PRH1: variants seen among roughly 807,000 people sequenced by gnomAD.
The protein encoded by PRH1 is salivary acidic proline-rich phosphoprotein 1/2.
A neutral mutation model predicts 7.9 loss-of-function variants in PRH1; 7 were observed. That is an observed-to-expected ratio of 0.89 (90% CI 0.50 to 1.67). The LOEUF is 1.67. Among genes scored for constraint, PRH1 ranks in the 40% most tolerant of loss-of-function variants. The probability of loss-of-function intolerance (pLI) is 0.00; values close to 1 mark genes in which losing one functional copy is unlikely to be tolerated. For synonymous variants in PRH1, 45 were observed against 80.8 expected (o/e 0.56, Z 2.38); for missense variants, 109 against 223.6 (o/e 0.49, Z 3.27).
chr12:11,061,235 G>A, intron 1 of PRH1: 2 of 1,359,688 alleles, frequency 1.5e-6, no homozygotes, highest in Non-Finnish European at 2.0e-6. Context: ...TTAGGTAAAA[G>A]ACTTTTCTAG....
chr12:11,096,541 T>C (rs376013093), intron 1 of PRH1, among the ~76,000 whole-genome samples: 1 of 115,930 alleles, frequency 8.6e-6, no homozygotes, highest in East Asian at 2.1e-4. Context: ...TGTAATACTT[T>C]GGTCAAAGAA....
intron 2 of PRH1, among the ~76,000 whole-genome samples, chr12:10,957,202 G>A (rs945527783): frequency 5.9e-5 from 9 of 151,972 alleles, no homozygotes; most frequent in African/African-American, 2.2e-4. Flanking sequence ...GCATGGTAGT[G>A]GTACAAAAAC....
intron 2 of PRH1, among the ~76,000 whole-genome samples, chr12:10,935,475 C>T (rs1226555053): frequency 6.6e-6 from 1 of 152,018 alleles, no homozygotes; most frequent in Non-Finnish European, 1.5e-5. Flanking sequence ...TATATTAATC[C>T]CACACAGCAG....
chr12:10,923,133 T>A (rs1245985211), intron 2 of PRH1, among the ~76,000 whole-genome samples: 1 of 150,834 alleles, frequency 6.6e-6, no homozygotes, highest in Non-Finnish European at 1.5e-5. Context: ...CGGCCCTTTT[T>A]TTTTTTTTTG....
intron 1 of PRH1, among the ~76,000 whole-genome samples, chr12:11,114,098 G>A (rs530465273): frequency 6.6e-6 from 1 of 152,228 alleles, no homozygotes; most frequent in East Asian, 1.9e-4. Flanking sequence ...ACAGTGTGGT[G>A]ATTCCTCAAG....
chr12:10,995,255 C>T (rs2136002713), intron 1 of PRH1, among the ~76,000 whole-genome samples: 2 of 152,206 alleles, frequency 1.3e-5, no homozygotes, highest in East Asian at 3.9e-4. Flanking sequence ...ATCTTTATGT[C>T]TTGGGAGTCT....
chr12:10,989,933 G>A (rs1337355687), intron 1 of PRH1, among the ~76,000 whole-genome samples: 1 of 152,020 alleles, frequency 6.6e-6, no homozygotes, highest in African/African-American at 2.4e-5. Context: ...GATATCCTGT[G>A]GCATTTGTTT....
At chr12:10,996,171 T>C (rs1236100025) in intron 1 of PRH1, among the ~76,000 whole-genome samples, 1 of 144,154 alleles carries the variant, frequency 6.9e-6, no homozygotes, top group African/African-American at 2.6e-5. Context: ...AAAAGAAAAA[T>C]ACAAAAAATT....
At chr12:11,070,778 T>C (rs1944029448) in intron 1 of PRH1, among the ~76,000 whole-genome samples, 1 of 151,700 alleles carries the variant, frequency 6.6e-6, no homozygotes, top group Non-Finnish European at 1.5e-5. Context: ...GACACTGTGG[T>C]CCATGAGATG....
At chr12:10,881,357 T>C (rs1565446716) in intron 3 of PRH1, among the ~76,000 whole-genome samples, 1 of 152,214 alleles carries the variant, frequency 6.6e-6, no homozygotes, top group Non-Finnish European at 1.5e-5. Context: ...CACTGCAACA[T>C]ATCATATAAT....
At chr12:10,965,457 G>A (rs1938457644) in intron 2 of PRH1, 1 of 437,214 alleles carries the variant, frequency 2.3e-6, no homozygotes, top group African/African-American at 2.0e-5. Context: ...TTCTGAATGT[G>A]CAGTAACATT....
chr12:10,950,136 AATTT>A (rs1262555829), intron 2 of PRH1, among the ~76,000 whole-genome samples: 1 of 152,056 alleles, frequency 6.6e-6, no homozygotes, highest in Non-Finnish European at 1.5e-5. Context: ...AGTATGCCAT[AATTT>A]ATTTATCATT....
chr12:10,986,364 A>G, intron 1 of PRH1: 1 of 1,613,984 alleles, frequency 6.2e-7, no homozygotes, highest in Non-Finnish European at 8.5e-7. Flanking sequence ...CCTCAATTTC[A>G]TCTTCCCAGT....
chr12:11,145,241 G>C (rs186491503), intron 1 of PRH1, among the ~76,000 whole-genome samples: 1 of 152,206 alleles, frequency 6.6e-6, no homozygotes, highest in Non-Finnish European at 1.5e-5. Flanking sequence ...GCCCAGGTTG[G>C]AATACAGTGG....
At chr12:10,930,430 C>G in intron 2 of PRH1, 1 of 1,461,976 alleles carries the variant, frequency 6.8e-7, no homozygotes, top group South Asian at 1.2e-5. Context: ...GAGATATAAA[C>G]AGTTTTCTCC....
At chr12:10,895,024 G>A (rs1347362599) in intron 2 of PRH1, 1 of 152,084 alleles carries the variant, frequency 6.6e-6, no homozygotes, top group African/African-American at 2.4e-5. Flanking sequence ...TCAGTTTGCT[G>A]TCCCGTAAAA....
At chr12:11,018,472 T>C (rs1162399165) in intron 1 of PRH1, among the ~76,000 whole-genome samples, 1 of 151,152 alleles carries the variant, frequency 6.6e-6, no homozygotes, top group East Asian at 2.0e-4. Context: ...CCTTGCCTGA[T>C]CTAGATCATC....
intron 2 of PRH1, among the ~76,000 whole-genome samples, chr12:10,966,867 G>T (rs1317778560): frequency 6.6e-6 from 1 of 152,202 alleles, no homozygotes; most frequent in Non-Finnish European, 1.5e-5. Flanking sequence ...TGTAATCCCA[G>T]CACTTTGGGA....
chr12:10,922,673 T>A (rs1343688157), intron 2 of PRH1, among the ~76,000 whole-genome samples: 9 of 152,206 alleles, frequency 5.9e-5, no homozygotes, highest in Admixed American at 5.9e-4. Context: ...TTTCTTCTGC[T>A]TGATATGGCA....
Sources: gnomAD v4.1 joint callset for allele counts (sites outside exome capture counted in the v4.1 genomes callset) on GRCh38, gnomAD v4.1.1 for gene constraint, MANE v1.5 for transcripts, NCBI Gene and HGNC (gene_info 2026-07-23, HGNC 2026-07-21) for gene names.